Variants in PDGFD observed in about 807,000 individuals in gnomAD.
The protein encoded by PDGFD is platelet derived growth factor D.
PDGFD carries 30 observed loss-of-function variants against 44.7 expected under a neutral mutation model. The ratio of observed to expected loss-of-function variants is 0.67; its 90% CI spans 0.50 to 0.91. The LOEUF is 0.91. PDGFD is among the 40% of genes least tolerant of loss of function. The pLI is 0.00. For missense variants in PDGFD, 445 were observed against 457.8 expected, an observed-to-expected ratio of 0.97 and a Z score of 0.25; for synonymous variants, 173 against 168.4, an observed-to-expected ratio of 1.03 and a Z score of -0.21.
In PDGFD at chr11:103,999,051, AC is replaced by A. The variant is rs376712999; in HGVS notation, c.329+999del. 1.8e-4 allele frequency among the ~76,000 whole-genome samples: 27 copies of A among 152,256 alleles called. No homozygotes were observed. The South Asian group carries it at 3.7e-3, about 21-fold the overall frequency. ...TAGTTTATTCTCTTTGTAAATATTA[AC>A]TGGCTCTTCCTTAATGTATTCATCT... On this transcript the variant is annotated intron_variant, in intron 2 of 6. Coordinates refer to ENST00000393158, the MANE Select transcript of PDGFD (RefSeq NM_025208.5).
chr11:104,038,208 C>T, intron 1 of PDGFD: 1 of 604,566 alleles, frequency 1.7e-6, no homozygotes, highest in Non-Finnish European at 2.9e-6. Flanking sequence ...TTCCCTTGTC[C>T]AGAGATCACT....
At chr11:103,957,291 C>G (rs1858866087) in intron 3 of PDGFD, among the ~76,000 whole-genome samples, 2 of 151,990 alleles carry the variant, frequency 1.3e-5, no homozygotes, top group Admixed American at 6.6e-5. Flanking sequence ...GCCATACTGC[C>G]CAAGGTAATT....
intron 5 of PDGFD, 137 bp from the exon 6 acceptor site, chr11:103,927,263 A>C (rs996401295): frequency 1.4e-6 from 1 of 714,342 alleles, no homozygotes; most frequent in Non-Finnish European, 2.3e-6. Flanking sequence ...TCAGGCTCTC[A>C]ATTACTGGGA....
Position 104,020,140 on chromosome 11 carries a change from T to C in PDGFD, c.125-19885A>G, listed in dbSNP as rs77228159. 4.6e-3 allele frequency among the ~76,000 whole-genome samples: 697 copies of C among 152,254 alleles called. 10 individuals carry two copies. The highest frequency in any genetic ancestry group is 0.013 in the African/African-American group (559 of 41,556). On this transcript the variant is annotated intron_variant, in intron 1 of 6. Transcript: ENST00000393158. ...GGAGAGGCAGTTTCCTAGGCCGATT[T>C]ATTGCTTCAGAGAGTAGAAGCAACA...
intron 1 of PDGFD, among the ~76,000 whole-genome samples, chr11:104,109,127 C>G (rs1341772367): frequency 2.6e-5 from 4 of 151,572 alleles, no homozygotes; most frequent in African/African-American, 7.3e-5. Context: ...GTGCAGCACA[C>G]CAACATGGCA....
chr11:103,970,348 C>G (rs1477052670), intron 3 of PDGFD, among the ~76,000 whole-genome samples: 2 of 151,988 alleles, frequency 1.3e-5, no homozygotes, highest in Non-Finnish European at 2.9e-5. Context: ...AGAAATGTAA[C>G]TGCTTTACCT....
intron 1 of PDGFD, 116 bp from the exon 2 acceptor site, chr11:104,000,371 A>C: frequency 1.1e-6 from 1 of 918,818 alleles, no homozygotes; most frequent in Non-Finnish European, 1.7e-6. Flanking sequence ...TTTTGCCTAA[A>C]AACATTAAGT....
intron 1 of PDGFD, chr11:104,036,685 C>T: frequency 1.4e-6 from 1 of 702,720 alleles, no homozygotes; most frequent in Non-Finnish European, 2.4e-6. Flanking sequence ...GTCCGCGCCT[C>T]TCTGAGAGGT....
chr11:104,060,008 C>T (rs1860686279), intron 1 of PDGFD, among the ~76,000 whole-genome samples: 1 of 152,172 alleles, frequency 6.6e-6, no homozygotes, highest in South Asian at 2.1e-4. Flanking sequence ...TGAGGAGAAA[C>T]ATCAGAATGA....
At chr11:103,980,358 A>C (rs1859250071) in intron 3 of PDGFD, among the ~76,000 whole-genome samples, 1 of 152,112 alleles carries the variant, frequency 6.6e-6, no homozygotes, top group South Asian at 2.1e-4. Context: ...TGACATCAAG[A>C]AACTTCAAGT....
chr11:103,989,441 T>C (rs1382684350), intron 3 of PDGFD, among the ~76,000 whole-genome samples: 1 of 152,260 alleles, frequency 6.6e-6, no homozygotes, highest in Non-Finnish European at 1.5e-5. Flanking sequence ...CCAGGGGTTC[T>C]GGTACATACA....
chr11:103,956,809 C>T (rs901402816), intron 3 of PDGFD, among the ~76,000 whole-genome samples: 2 of 152,104 alleles, frequency 1.3e-5, no homozygotes, highest in Non-Finnish European at 2.9e-5. Flanking sequence ...TCTCTGATGG[C>T]CAGTGATGGT....
intron 5 of PDGFD, among the ~76,000 whole-genome samples, chr11:103,935,158 G>T (rs981184486): frequency 5.9e-5 from 9 of 152,122 alleles, no homozygotes; most frequent in African/African-American, 1.9e-4. Context: ...CTATTGATTT[G>T]CATTTGAATG....
At chr11:104,039,526 T>G (rs1207076104) in intron 1 of PDGFD, among the ~76,000 whole-genome samples, 1 of 152,106 alleles carries the variant, frequency 6.6e-6, no homozygotes, top group Non-Finnish European at 1.5e-5. Context: ...TCAGTTCACC[T>G]CCCATTTTTC....
chr11:104,098,051 C>A (rs763589245), intron 1 of PDGFD, among the ~76,000 whole-genome samples: 3 of 152,120 alleles, frequency 2.0e-5, no homozygotes, highest in Non-Finnish European at 2.9e-5. Flanking sequence ...CGTGAAATGC[C>A]ACAACAAATA....
intron 1 of PDGFD, among the ~76,000 whole-genome samples, chr11:104,113,590 T>C (rs930601496): frequency 2.8e-5 from 3 of 106,406 alleles, no homozygotes; most frequent in Non-Finnish European, 3.9e-5. Flanking sequence ...AACTGCAGTG[T>C]TTTTTTTTTT....
At chr11:104,037,362 T>A in intron 1 of PDGFD, 1 of 1,614,036 alleles carries the variant, frequency 6.2e-7, no homozygotes, top group Non-Finnish European at 8.5e-7. Context: ...AGACCTTTTC[T>A]CAGGTGCTGA....
At chr11:104,025,193 A>G (rs1415220315) in intron 1 of PDGFD, among the ~76,000 whole-genome samples, 2 of 152,256 alleles carry the variant, frequency 1.3e-5, no homozygotes, top group Non-Finnish European at 2.9e-5. Context: ...AGATCTATTG[A>G]CAGGCACTTT....
chr11:103,984,911 T>C (rs28435117), intron 3 of PDGFD, among the ~76,000 whole-genome samples: 12 of 135,154 alleles, frequency 8.9e-5, no homozygotes, highest in African/African-American at 2.0e-4. Flanking sequence ...ATTAATTTAT[T>C]TAATATATTT....
Sources: gnomAD v4.1 joint callset for allele counts (sites outside exome capture counted in the v4.1 genomes callset) on GRCh38, gnomAD v4.1.1 for gene constraint, MANE v1.5 for transcripts, NCBI Gene and HGNC (gene_info 2026-07-23, HGNC 2026-07-21) for gene names.